The following ANGPT1 variants were observed in gnomAD, a reference collection of about 807,000 sequenced individuals.
The protein encoded by ANGPT1 is angiopoietin 1, also known as angiopoietin-1.
Under a neutral mutation model 62.2 loss-of-function variants are expected in ANGPT1, and 17 were observed. That is an observed-to-expected ratio of 0.27 (90% confidence interval 0.19 to 0.41). The LOEUF (loss-of-function observed/expected upper bound fraction) is 0.41, where lower values mean the gene tolerates loss of function less well. Among genes scored for constraint, ANGPT1 ranks in the 10% least tolerant of loss-of-function variants. The pLI, the probability that ANGPT1 is intolerant of heterozygous loss-of-function variation, is 1.00. For synonymous variants in ANGPT1, 199 were observed against 198.9 expected (o/e 1.00, Z 0.00); for missense variants, 478 against 594.9 (o/e 0.80, Z 2.04).
intron 6 of ANGPT1, among the ~76,000 whole-genome samples, chr8:107,291,403 A>G (rs1023831285): frequency 2.9e-5 from 4 of 139,486 alleles, no homozygotes; most frequent in Admixed American, 7.6e-5. Flanking sequence ...AGTGAAGACT[A>G]TAATTGTGTT....
chr8:107,320,528 G>A (rs868842346), intron 4 of ANGPT1, among the ~76,000 whole-genome samples: 11 of 152,192 alleles, frequency 7.2e-5, no homozygotes, highest in African/African-American at 2.4e-4. Context: ...AAATACTCAT[G>A]AGTTCTATTA....
intron 1 of ANGPT1, among the ~76,000 whole-genome samples, chr8:107,448,850 G>A (rs978437699): frequency 6.6e-6 from 1 of 152,120 alleles, no homozygotes; most frequent in Non-Finnish European, 1.5e-5. Flanking sequence ...GAAAGACATA[G>A]CCAGAACTAT....
intron 1 of ANGPT1, among the ~76,000 whole-genome samples, chr8:107,417,546 TC>T (rs1431703000): frequency 6.6e-6 from 1 of 151,476 alleles, no homozygotes; most frequent in Non-Finnish European, 1.5e-5. Context: ...TTTTTTTTCA[TC>T]CCCCGTTATT....
intron 4 of ANGPT1, among the ~76,000 whole-genome samples, chr8:107,315,545 G>A (rs1327364252): frequency 6.6e-6 from 1 of 152,082 alleles, no homozygotes; most frequent in African/African-American, 2.4e-5. Context: ...ACTTGCCACT[G>A]AAAAGAACAT....
At chr8:107,399,563 C>T (rs1345075259) in intron 1 of ANGPT1, among the ~76,000 whole-genome samples, 1 of 152,096 alleles carries the variant, frequency 6.6e-6, no homozygotes, top group Non-Finnish European at 1.5e-5. Context: ...CACGGTCTCA[C>T]AGAGAAGAAA....
Position 107,265,108 on chromosome 8 carries a change from G to A in ANGPT1, c.1206-757C>T, listed in dbSNP as rs910911020. On this transcript the variant is annotated intron_variant, in intron 7 of 8. Transcript: ENST00000517746. ...CCATCTGTTTAATATGGCATTCTTC[G>A]AAGAACCTCTCTTACTATCTAGAAA... Among the ~76,000 whole-genome samples, 6 of 151,612 alleles carry A rather than the reference G, an allele frequency of 4.0e-5. 1 individual carries two copies. Among genetic ancestry groups the A allele is most frequent in the Admixed American group, 2.6e-4 (4 of 15,256 alleles).
chr8:107,391,736 T>C (rs1293599152), intron 1 of ANGPT1, among the ~76,000 whole-genome samples: 1 of 152,164 alleles, frequency 6.6e-6, no homozygotes, highest in Non-Finnish European at 1.5e-5. Context: ...TAGCCTAGTA[T>C]ACACCTAGGC....
intron 1 of ANGPT1, among the ~76,000 whole-genome samples, chr8:107,358,870 A>G (rs566051470): frequency 6.6e-6 from 1 of 152,300 alleles, no homozygotes; most frequent in South Asian, 2.1e-4. Flanking sequence ...TCACACTTTG[A>G]CATATTTATT....
At chr8:107,314,157 G>A (rs892767739) in intron 4 of ANGPT1, among the ~76,000 whole-genome samples, 2 of 152,172 alleles carry the variant, frequency 1.3e-5, no homozygotes, top group African/African-American at 2.4e-5. Flanking sequence ...GTGCTCCTTC[G>A]CTTTAGCCAA....
chr8:107,305,822 A>G (rs965936879), intron 4 of ANGPT1, among the ~76,000 whole-genome samples: 1 of 152,046 alleles, frequency 6.6e-6, no homozygotes, highest in Non-Finnish European at 1.5e-5. Context: ...TTAATTACTT[A>G]CCAACTAGCA....
intron 1 of ANGPT1, among the ~76,000 whole-genome samples, chr8:107,406,924 C>T (rs948521650): frequency 6.6e-6 from 1 of 151,018 alleles, no homozygotes; most frequent in Non-Finnish European, 1.5e-5. Flanking sequence ...AGTCTACCTC[C>T]TTTAGGAAAT....
chr8:107,415,798 T>C (rs1163763686), intron 1 of ANGPT1, among the ~76,000 whole-genome samples: 3 of 152,118 alleles, frequency 2.0e-5, no homozygotes, highest in Non-Finnish European at 2.9e-5. Context: ...ATCCCTTCTA[T>C]GCTTTGAAGC....
chr8:107,487,534 C>T lies in ANGPT1; in HGVS notation c.297+9728G>A, dbSNP rs186985200. On this transcript the variant is annotated intron_variant, in intron 1 of 8. Transcript: ENST00000517746. ...ACCATCAGTATATTAAGCGGCCGTG[C>T]GTCATTCATCTGCTAAAAAAAAAAG... is the stretch of plus-strand genomic sequence containing the variant. Among the ~76,000 whole-genome samples the T allele has an allele frequency of 4.3e-3, 632 of 147,890 alleles. 1 individual carries two copies. Among genetic ancestry groups the T allele is most frequent in the Non-Finnish European group, 5.2e-3 (349 of 66,522 alleles).
intron 1 of ANGPT1, among the ~76,000 whole-genome samples, chr8:107,377,922 T>A (rs1171339049): frequency 1.5e-5 from 1 of 65,994 alleles, no homozygotes; most frequent in Non-Finnish European, 4.1e-5. Flanking sequence ...AATATTGTCA[T>A]GAAAAAAAAA....
chr8:107,259,911 A>G (rs913214412), intron 8 of ANGPT1, among the ~76,000 whole-genome samples: 1 of 152,126 alleles, frequency 6.6e-6, no homozygotes, highest in Non-Finnish European at 1.5e-5. Context: ...AATTTTTCAC[A>G]TATTTATCTC....
At chr8:107,266,795 A>T (rs912586092) in intron 7 of ANGPT1, among the ~76,000 whole-genome samples, 5 of 152,172 alleles carry the variant, frequency 3.3e-5, no homozygotes, top group Non-Finnish European at 5.9e-5. Context: ...ATTTTAAATA[A>T]GAGACTGCTA....
intron 7 of ANGPT1, among the ~76,000 whole-genome samples, chr8:107,272,770 G>A (rs1813767520): frequency 6.7e-6 from 1 of 150,204 alleles, no homozygotes; most frequent in African/African-American, 2.4e-5. Flanking sequence ...GTATATATAT[G>A]AGATCTGTGA....
rs560794944 is a variant in ANGPT1 at position 107,305,354 on chromosome 8, C to T, written c.809-1987G>A. Among the ~76,000 whole-genome samples, 11 of 151,750 alleles carry T rather than the reference C, an allele frequency of 7.2e-5. No individual in the cohort carries two copies. The East Asian group carries it at 2.1e-3, about 29-fold the overall frequency. Reference sequence around the variant, plus strand: ...GAGAAAATGCTTCTCTTGTATATACCACATCCTGCCCTCCCTTTTTTAGTT... The same window carrying T: ...GAGAAAATGCTTCTCTTGTATATACTACATCCTGCCCTCCCTTTTTTAGTT... On this transcript the variant is annotated intron_variant, in intron 4 of 8. Transcript: ENST00000517746.
chr8:107,367,257 ACTGTGG>A (rs1816294066), intron 1 of ANGPT1, among the ~76,000 whole-genome samples: 1 of 152,184 alleles, frequency 6.6e-6, no homozygotes, highest in Non-Finnish European at 1.5e-5. Context: ...TTTACACTAT[ACTGTGG>A]TCTATTAAGT....
Sources: gnomAD v4.1 joint callset for allele counts (sites outside exome capture counted in the v4.1 genomes callset) on GRCh38, gnomAD v4.1.1 for gene constraint, MANE v1.5 for transcripts, NCBI Gene and HGNC (gene_info 2026-07-23, HGNC 2026-07-21) for gene names.